The following HAPLN1 variants were observed in gnomAD, a reference collection of about 807,000 sequenced individuals.
HAPLN1 encodes the protein hyaluronan and proteoglycan link protein 1.
HAPLN1 carries 13 observed loss-of-function variants against 36.5 expected under a neutral mutation model. That is an observed-to-expected ratio of 0.36 (90% confidence interval 0.23 to 0.57). The LOEUF (loss-of-function observed/expected upper bound fraction) is 0.57. Among genes scored for constraint, HAPLN1 ranks in the 20% least tolerant of loss-of-function variants. HAPLN1 has a pLI of 0.83. For synonymous variants in HAPLN1, 202 were observed against 169.8 expected (o/e 1.19, Z -1.48); for missense variants, 407 against 439.7 (o/e 0.93, Z 0.66).
At chr5:83,656,696 G>C (rs541011634) in intron 2 of HAPLN1, among the ~76,000 whole-genome samples, 1 of 152,124 alleles carries the variant, frequency 6.6e-6, no homozygotes, top group Admixed American at 6.5e-5. Context: ...TGAAAGATCT[G>C]ATGCCCTTCA....
At chr5:83,680,998 C>T (rs943763718) in intron 1 of HAPLN1, among the ~76,000 whole-genome samples, 4 of 152,108 alleles carry the variant, frequency 2.6e-5, no homozygotes, top group African/African-American at 9.7e-5. Flanking sequence ...AAGAAATACT[C>T]TTTAATGGGT....
chr5:83,659,602 T>A (rs934248661), intron 2 of HAPLN1, among the ~76,000 whole-genome samples: 10 of 152,016 alleles, frequency 6.6e-5, no homozygotes, highest in Non-Finnish European at 1.3e-4. Context: ...TAAAAATAAA[T>A]GTAGAAGTTG....
Position 83,641,602 on chromosome 5 carries a change from C to A in HAPLN1, c.959G>T (p.Arg320Met), listed in dbSNP as rs1467232794. ...ADGSVRYPIS[R>M]PRRRCSPTEA... Reference sequence around the variant, plus strand: ...AGTAGGACTGCAGCGCCTTCTTGGCCTAGAGATGGGGTAGCGGACGCTGCC... The same window carrying A: ...AGTAGGACTGCAGCGCCTTCTTGGCATAGAGATGGGGTAGCGGACGCTGCC... Residue 320 changes from arginine to methionine, a missense_variant, in exon 5 of 5, where the codon AGG becomes ATG. Arg to Met is a moderately conservative substitution (Grantham distance 91). Coordinates refer to ENST00000274341, the MANE Select transcript of HAPLN1 (RefSeq NM_001884.4). The A allele has an allele frequency of 1.2e-6, 2 of 1,614,182 alleles. No individual in the cohort carries two copies. Among genetic ancestry groups the A allele is most frequent in the Non-Finnish European group, 1.7e-6 (2 of 1,180,042 alleles).
At position 83,638,850 on chromosome 5, in the gene HAPLN1, T is replaced by C. The variant is rs1305345567; in HGVS notation, c.*2646A>G. On this transcript the variant is annotated 3_prime_UTR_variant, in exon 5 of 5. Coordinates refer to ENST00000274341, the MANE Select transcript of HAPLN1 (RefSeq NM_001884.4). ...TTCTTATGTTGTCTTTTTATTTGAATTGCTTCTTTTTGTTTGGGTTTTCCA... is the reference window on the plus strand; with the variant it reads ...TTCTTATGTTGTCTTTTTATTTGAACTGCTTCTTTTTGTTTGGGTTTTCCA... 3 of 152,078 alleles carry C rather than the reference T, an allele frequency of 2.0e-5. No homozygotes were observed. Among genetic ancestry groups the C allele is most frequent in the Non-Finnish European group, 4.4e-5 (3 of 67,932 alleles). The allele number at this position is 152,078 out of a possible 1,614,324, so 9.4% of individuals were successfully genotyped here. A position where few individuals can be genotyped will look rare whatever the true frequency, so the allele number is the denominator to read the frequency against.
At chr5:83,669,873 T>C (rs1282720482) in intron 2 of HAPLN1, among the ~76,000 whole-genome samples, 1 of 152,100 alleles carries the variant, frequency 6.6e-6, no homozygotes, top group Non-Finnish European at 1.5e-5. Flanking sequence ...TACAGAGGGG[T>C]AACTGGGATT....
At chr5:83,701,816 C>T (rs1464660398) in intron 1 of HAPLN1, among the ~76,000 whole-genome samples, 3 of 152,004 alleles carry the variant, frequency 2.0e-5, no homozygotes, top group East Asian at 3.9e-4. Flanking sequence ...GTCCCAGCTG[C>T]TTGGGAGGCT....
At chr5:83,686,017 T>C (rs944646340) in intron 1 of HAPLN1, 1 of 152,046 alleles carries the variant, frequency 6.6e-6, no homozygotes, top group African/African-American at 2.4e-5. Context: ...ATAAAGCATA[T>C]GTGCTTTTGA....
intron 4 of HAPLN1, 58 bp from the exon 5 acceptor site, chr5:83,641,843 T>C: frequency 1.3e-6 from 2 of 1,526,276 alleles, no homozygotes; most frequent in South Asian, 2.5e-5. Context: ...CACACAGAGA[T>C]AGAAAGAGCC....
chr5:83,672,619 G>A (rs1361502378), intron 2 of HAPLN1, among the ~76,000 whole-genome samples: 1 of 152,202 alleles, frequency 6.6e-6, no homozygotes, highest in African/African-American at 2.4e-5. Flanking sequence ...TTTTGACCTT[G>A]AAGATGTAAC....
At chr5:83,665,305 C>T (rs899169982) in intron 2 of HAPLN1, among the ~76,000 whole-genome samples, 2 of 152,134 alleles carry the variant, frequency 1.3e-5, no homozygotes, top group East Asian at 1.9e-4. Flanking sequence ...AAAATATATT[C>T]GTGTCATATA....
In HAPLN1 at chr5:83,687,628, G is replaced by A. The variant is rs115540741; in HGVS notation, c.-26-14079C>T. ...CTAATTAAAATGCAACTGACTTGAC[G>A]AGAGTAATGTCCACATTGTATTATT... On this transcript the variant is annotated intron_variant, in intron 1 of 4. Coordinates refer to ENST00000274341, the MANE Select transcript of HAPLN1 (RefSeq NM_001884.4). Among the ~76,000 whole-genome samples the A allele has an allele frequency of 9.3e-3, 1,414 of 152,276 alleles. 9 individuals are homozygous for A. The highest frequency in any genetic ancestry group is 0.015 in the Non-Finnish European group (1,025 of 68,014).
chr5:83,696,415 T>C (rs1195758932), intron 1 of HAPLN1, among the ~76,000 whole-genome samples: 2 of 152,086 alleles, frequency 1.3e-5, no homozygotes, highest in African/African-American at 4.8e-5. Flanking sequence ...AACATTCATA[T>C]GTAAATGTAA....
At chr5:83,719,097 C>T (rs771929822) in intron 1 of HAPLN1, among the ~76,000 whole-genome samples, 6 of 152,184 alleles carry the variant, frequency 3.9e-5, no homozygotes, top group Non-Finnish European at 5.9e-5. Context: ...AGTGAAACCA[C>T]TAGGGATATA....
intron 1 of HAPLN1, among the ~76,000 whole-genome samples, chr5:83,716,560 G>C (rs1751915340): frequency 6.6e-6 from 1 of 152,126 alleles, no homozygotes; most frequent in African/African-American, 2.4e-5. Flanking sequence ...CTTAATAACA[G>C]CTATCTCCTT....
intron 1 of HAPLN1, among the ~76,000 whole-genome samples, chr5:83,705,141 G>A (rs1751609713): frequency 6.6e-6 from 1 of 152,124 alleles, no homozygotes; most frequent in African/African-American, 2.4e-5. Context: ...TGTAATCCCA[G>A]CACTTTGGGA....
chr5:83,662,893 C>T (rs906015630), intron 2 of HAPLN1, among the ~76,000 whole-genome samples: 4 of 152,168 alleles, frequency 2.6e-5, no homozygotes, highest in Non-Finnish European at 4.4e-5. Flanking sequence ...GTAAAGAAGA[C>T]GTCGAAATAA....
intron 1 of HAPLN1, among the ~76,000 whole-genome samples, chr5:83,705,245 C>T (rs974043043): frequency 6.6e-6 from 1 of 152,006 alleles, no homozygotes; most frequent in African/African-American, 2.4e-5. Context: ...CAAAAATTAG[C>T]TGGGCATGGT....
chr5:83,686,159 A>AG (rs1234576775), intron 1 of HAPLN1: 9 of 151,518 alleles, frequency 5.9e-5, no homozygotes, highest in East Asian at 1.9e-4. Context: ...AAAAAAAAAA[A>AG]AAAAAGAAAT....
At chr5:83,648,793 AG>A (rs1466873340) in intron 3 of HAPLN1, among the ~76,000 whole-genome samples, 2 of 152,058 alleles carry the variant, frequency 1.3e-5, no homozygotes, top group African/African-American at 2.4e-5. Context: ...ATAATGAAAA[AG>A]GTTAAAAATG....
Sources: allele counts gnomAD v4.1 joint callset (sites outside exome capture counted in the v4.1 genomes callset), GRCh38; gene constraint gnomAD v4.1.1; transcripts MANE v1.5; gene names NCBI Gene and HGNC (gene_info 2026-07-23, HGNC 2026-07-21).